The following CSMD1 variants were observed in gnomAD, a reference collection of about 807,000 sequenced individuals.
CSMD1 encodes CUB and Sushi multiple domains 1.
Under a neutral mutation model 417.5 loss-of-function variants are expected in CSMD1, and 213 were observed. That is an observed-to-expected ratio of 0.51 (90% CI 0.46 to 0.57). CSMD1 has a LOEUF of 0.57. Among genes scored for constraint, CSMD1 ranks in the 20% least tolerant of loss-of-function variants. The pLI, the probability that CSMD1 is intolerant of heterozygous loss-of-function variation, is 0.00. For synonymous variants in CSMD1, 2,862 were observed against 1,736.8 expected (o/e 1.65, Z -16.11); for missense variants, 6,923 against 4,529.7 (o/e 1.53, Z -15.17).
rs565154138 is a variant in CSMD1 at position 4,640,582 on chromosome 8, T to A, written c.86-3024A>T. Among the ~76,000 whole-genome samples, 6 of 152,322 alleles carry A rather than the reference T, an allele frequency of 3.9e-5. No individual in the cohort carries two copies. The South Asian group carries it at 1.2e-3, about 32-fold the overall frequency. On this transcript the variant is annotated intron_variant, in intron 1 of 69. Transcript: ENST00000635120. ...ATGCACAAATATTCTATACATGTTT[T>A]CTTTGTAAACGATGTACATCTAAGC...
intron 1 of CSMD1, among the ~76,000 whole-genome samples, chr8:4,791,865 T>C (rs982363449): frequency 9.2e-5 from 14 of 152,174 alleles, no homozygotes; most frequent in African/African-American, 3.1e-4. Flanking sequence ...AAAAAAAAAT[T>C]TTTTTAGCTT....
chr8:3,730,401 C>A (rs189636587), intron 6 of CSMD1, among the ~76,000 whole-genome samples: 1 of 125,674 alleles, frequency 8.0e-6, no homozygotes, highest in Non-Finnish European at 1.6e-5. Flanking sequence ...TGTGTCTGAT[C>A]ACCACTGAGC....
chr8:3,441,943 T>G (rs1563393436), intron 12 of CSMD1, among the ~76,000 whole-genome samples: 1 of 151,976 alleles, frequency 6.6e-6, no homozygotes, highest in Admixed American at 6.6e-5. Flanking sequence ...CATTCATGTG[T>G]GGTATTGCCC....
intron 1 of CSMD1, among the ~76,000 whole-genome samples, chr8:4,661,508 T>A (rs983128124): frequency 5.9e-5 from 9 of 152,150 alleles, no homozygotes; most frequent in Non-Finnish European, 1.5e-5. Context: ...GGAACGTGAA[T>A]GTGACTCTAC....
chr8:4,146,747 G>C (rs113197973), intron 3 of CSMD1, among the ~76,000 whole-genome samples: 1 of 149,226 alleles, frequency 6.7e-6, no homozygotes, highest in African/African-American at 2.6e-5. Context: ...GAGGAGCTGG[G>C]ACTACAGGCG....
At chr8:3,511,742 T>A (rs529492348) in intron 10 of CSMD1, among the ~76,000 whole-genome samples, 8 of 136,494 alleles carry the variant, frequency 5.9e-5, no homozygotes, top group African/African-American at 2.3e-4. Flanking sequence ...GGTGACAGAG[T>A]GAGACTCCAT....
intron 26 of CSMD1, among the ~76,000 whole-genome samples, chr8:3,250,987 T>C (rs1244914243): frequency 1.3e-5 from 2 of 152,166 alleles, no homozygotes; most frequent in Non-Finnish European, 2.9e-5. Flanking sequence ...GAGTAGATTG[T>C]GAAAATTTTC....
intron 5 of CSMD1, among the ~76,000 whole-genome samples, chr8:3,940,497 C>G (rs1012578734): frequency 6.9e-6 from 1 of 144,952 alleles, no homozygotes; most frequent in African/African-American, 2.5e-5. Context: ...ATTATTTCCT[C>G]TGTGTGTGTG....
rs369260779 is a variant in CSMD1 at position 3,142,549 on chromosome 8, G to C, written c.6157C>G (p.Leu2053Val). ...QFSGTDLPAA[L>V]LSTTHETLIH... ...AGGGTTTCATGCGTTGTGCTCAGCA[G>C]GGCCGCGGGGAGATCCGTGCCGCTA... Residue 2053 changes from leucine (L) to valine (V), a missense_variant, in exon 41 of 70, where the codon CTG (leucine) becomes GTG (valine). Leu to Val is a conservative substitution (Grantham distance 32, BLOSUM62 1). Coordinates refer to ENST00000635120, the MANE Select transcript of CSMD1 (RefSeq NM_033225.6). The C allele has an allele frequency of 2.5e-6, 4 of 1,614,018 alleles. No individual in the cohort carries two copies. The highest frequency in any genetic ancestry group is 4.5e-5 in the East Asian group (2 of 44,882).
At chr8:3,955,388 CA>C (rs1405436914) in intron 5 of CSMD1, among the ~76,000 whole-genome samples, 1 of 152,134 alleles carries the variant, frequency 6.6e-6, no homozygotes, top group African/African-American at 2.4e-5. Flanking sequence ...AGAGATTTTC[CA>C]AAAATGACTC....
At chr8:4,135,324 G>T (rs537723000) in intron 3 of CSMD1, among the ~76,000 whole-genome samples, 1 of 91,540 alleles carries the variant, frequency 1.1e-5, no homozygotes, top group African/African-American at 3.7e-5. Context: ...AGGGAGGAGC[G>T]AAGGAAGGGG....
intron 3 of CSMD1, among the ~76,000 whole-genome samples, chr8:4,051,226 T>G (rs1798408276): frequency 6.6e-6 from 1 of 151,250 alleles, no homozygotes; most frequent in African/African-American, 2.4e-5. Context: ...GGACCAGGCC[T>G]GTGGGAACAA....
intron 11 of CSMD1, among the ~76,000 whole-genome samples, chr8:3,469,733 A>T (rs115680142): frequency 7.9e-4 from 121 of 152,332 alleles, no homozygotes; most frequent in African/African-American, 2.8e-3. Context: ...TCAACCCTAC[A>T]TCCTCACCTT....
At chr8:4,147,985 G>C (rs981705713) in intron 3 of CSMD1, among the ~76,000 whole-genome samples, 1 of 152,056 alleles carries the variant, frequency 6.6e-6, no homozygotes. Flanking sequence ...CTGAGTAGAG[G>C]TTAGGTCTTA....
chr8:4,231,854 G>A (rs1046606491), intron 3 of CSMD1, among the ~76,000 whole-genome samples: 2 of 152,182 alleles, frequency 1.3e-5, no homozygotes, highest in South Asian at 2.1e-4. Flanking sequence ...ACATGTATAT[G>A]ATAAAGGATC....
chr8:3,717,588 G>C (rs989386189), intron 6 of CSMD1, among the ~76,000 whole-genome samples: 2 of 152,106 alleles, frequency 1.3e-5, no homozygotes, highest in African/African-American at 4.8e-5. Flanking sequence ...TAATCAAGAA[G>C]AAAATGTAAC....
chr8:4,624,096 A>C (rs1202656291), intron 2 of CSMD1, among the ~76,000 whole-genome samples: 2 of 152,148 alleles, frequency 1.3e-5, no homozygotes, highest in African/African-American at 4.8e-5. Flanking sequence ...TTATGTATCC[A>C]AGGTAAACTG....
At chr8:3,638,273 A>G (rs2117297408) in intron 7 of CSMD1, among the ~76,000 whole-genome samples, 1 of 152,318 alleles carries the variant, frequency 6.6e-6, no homozygotes, top group South Asian at 2.1e-4. Context: ...CATGTACACC[A>G]TAAGCAATTT....
chr8:3,046,128 T>A (rs961493555), intron 50 of CSMD1, among the ~76,000 whole-genome samples: 15 of 152,212 alleles, frequency 9.9e-5, no homozygotes, highest in African/African-American at 3.4e-4. Context: ...CAGGAGTTTT[T>A]CTGCAGAGGA....
Sources: gnomAD v4.1 joint callset for allele counts (sites outside exome capture counted in the v4.1 genomes callset) on GRCh38, gnomAD v4.1.1 for gene constraint, MANE v1.5 for transcripts, NCBI Gene and HGNC (gene_info 2026-07-23, HGNC 2026-07-21) for gene names.